The following NRXN1 variants were observed in gnomAD, a reference collection of about 807,000 sequenced individuals.
The protein encoded by NRXN1 is neurexin-1.
In NRXN1, 39 loss-of-function variants were observed where a neutral mutation model predicts 150.9. The observed-to-expected ratio is 0.26, with a 90% CI of 0.20 to 0.34. The LOEUF (loss-of-function observed/expected upper bound fraction) is 0.34. Among genes scored for constraint, NRXN1 ranks in the 10% least tolerant of loss-of-function variants. The probability of loss-of-function intolerance (pLI) is 1.00; values close to 1 mark genes in which losing one functional copy is unlikely to be tolerated. For missense variants in NRXN1, 1,815 were observed against 1,949.9 expected (o/e 0.93, Z 1.30); for synonymous variants, 924 against 757.0 (o/e 1.22, Z -3.62).
chr2:50,023,837 G>A (rs1056594042), intron 21 of NRXN1: 1 of 152,058 alleles, frequency 6.6e-6, no homozygotes, highest in Non-Finnish European at 1.5e-5. Flanking sequence ...GTAAAGCTGT[G>A]CTTTCACGCA....
chr2:50,857,850 C>T (rs1675494529), intron 5 of NRXN1, among the ~76,000 whole-genome samples: 1 of 152,046 alleles, frequency 6.6e-6, no homozygotes, highest in Non-Finnish European at 1.5e-5. Context: ...AAAATTCAGA[C>T]CAAAGCCTAG....
chr2:50,140,632 G>C (rs1250576718), intron 18 of NRXN1, among the ~76,000 whole-genome samples: 2 of 151,570 alleles, frequency 1.3e-5, no homozygotes, highest in South Asian at 4.2e-4. Flanking sequence ...CAGAAATGTA[G>C]ACCACTTTGT....
chr2:50,746,688 C>T (rs1295605923), intron 5 of NRXN1, among the ~76,000 whole-genome samples: 2 of 152,150 alleles, frequency 1.3e-5, no homozygotes, highest in African/African-American at 2.4e-5. Context: ...CCTTTCTTTT[C>T]ATTGGCCACT....
intron 19 of NRXN1, among the ~76,000 whole-genome samples, chr2:50,073,071 C>A (rs990408089): frequency 2.0e-5 from 3 of 152,138 alleles, no homozygotes; most frequent in African/African-American, 7.2e-5. Flanking sequence ...GGAGCCTATA[C>A]CCTTAGGAAG....
intron 5 of NRXN1, among the ~76,000 whole-genome samples, chr2:50,646,247 C>T (rs1038129380): frequency 6.6e-6 from 1 of 151,928 alleles, no homozygotes; most frequent in Non-Finnish European, 1.5e-5. Context: ...CAAAAGGCCG[C>T]TATTCTGGTG....
intron 8 of NRXN1, among the ~76,000 whole-genome samples, chr2:50,555,511 A>AT (rs935116204): frequency 6.6e-6 from 1 of 152,178 alleles, no homozygotes; most frequent in African/African-American, 2.4e-5. Flanking sequence ...TGCATCTCTC[A>AT]TAAAAAAAAG....
At chr2:50,208,240 C>T (rs904336375) in intron 18 of NRXN1, among the ~76,000 whole-genome samples, 2 of 152,028 alleles carry the variant, frequency 1.3e-5, no homozygotes, top group Non-Finnish European at 2.9e-5. Context: ...GTGGGCAGAC[C>T]TCTTATGTAC....
chr2:50,360,969 C>T (rs1558597957), intron 17 of NRXN1, among the ~76,000 whole-genome samples: 2 of 152,278 alleles, frequency 1.3e-5, no homozygotes, highest in East Asian at 3.9e-4. Flanking sequence ...TCACTCAAAA[C>T]CGCACAACTA....
chr2:51,005,481 T>C (rs190403782), intron 2 of NRXN1, among the ~76,000 whole-genome samples: 4 of 152,004 alleles, frequency 2.6e-5, no homozygotes, highest in Non-Finnish European at 5.9e-5. Context: ...AGAAATAAAA[T>C]ATTTAACAGA....
chr2:50,723,097 C>G (rs891876163), intron 5 of NRXN1, among the ~76,000 whole-genome samples: 1 of 152,000 alleles, frequency 6.6e-6, no homozygotes, highest in Non-Finnish European at 1.5e-5. Context: ...CCTTTCCTAC[C>G]AAGAAATGTG....
At chr2:50,845,334 C>T (rs1673478925) in intron 5 of NRXN1, among the ~76,000 whole-genome samples, 1 of 152,130 alleles carries the variant, frequency 6.6e-6, no homozygotes, top group Admixed American at 6.5e-5. Flanking sequence ...ATAATCCAGG[C>T]AATTAGAATA....
Position 49,927,357 on chromosome 2 carries a change from A to G in NRXN1, c.4217-5106T>C, listed in dbSNP as rs72885864. ...AAAGACTTTTGTGATGCATCTGGTGATATGATGGGGGCACATTAAGCCATT... is the reference window on the plus strand; with the variant it reads ...AAAGACTTTTGTGATGCATCTGGTGGTATGATGGGGGCACATTAAGCCATT... On this transcript the variant is annotated intron_variant, in intron 22 of 22. Coordinates refer to ENST00000401669, the MANE Select transcript of NRXN1 (RefSeq NM_001330078.2). Among the ~76,000 whole-genome samples, 884 of 152,346 alleles carry G rather than the reference A, an allele frequency of 5.8e-3. 7 individuals are homozygous for G. The highest frequency in any genetic ancestry group is 0.021 in the African/African-American group (854 of 41,576).
intron 2 of NRXN1, 22 bp from the exon 3 acceptor site, chr2:50,925,977 G>A (rs1200149943): frequency 3.2e-6 from 5 of 1,563,186 alleles, no homozygotes; most frequent in Non-Finnish European, 4.3e-6. Context: ...TGACAAGGAG[G>A]GAGAGAAAAG....
chr2:50,131,278 G>A (rs1309904070), intron 18 of NRXN1, among the ~76,000 whole-genome samples: 1 of 152,144 alleles, frequency 6.6e-6, no homozygotes, highest in Non-Finnish European at 1.5e-5. Flanking sequence ...CATCTTAAAA[G>A]GCTAGTGTTT....
chr2:50,414,047 G>T (rs750319432), intron 17 of NRXN1, among the ~76,000 whole-genome samples: 2 of 106,786 alleles, frequency 1.9e-5, no homozygotes, highest in East Asian at 3.5e-4. Context: ...GTAGTGGGGT[G>T]GGGGGTGGGA....
chr2:50,923,398 G>T, intron 3 of NRXN1: 1 of 302,810 alleles, frequency 3.3e-6, no homozygotes, highest in Non-Finnish European at 7.1e-6. Flanking sequence ...TTTCTTAAAT[G>T]CTGAACTCTA....
At chr2:50,244,946 A>G (rs756865022) in intron 17 of NRXN1, among the ~76,000 whole-genome samples, 4 of 151,924 alleles carry the variant, frequency 2.6e-5, no homozygotes, top group Non-Finnish European at 5.9e-5. Context: ...AGAAAAATCT[A>G]TGTGTGTATA....
At chr2:50,199,537 T>TAC (rs67959182) in intron 18 of NRXN1, among the ~76,000 whole-genome samples, 31,140 of 149,226 alleles carry the variant, frequency 0.21, 3,535 homozygotes, top group East Asian at 0.46. Flanking sequence ...CTCTTTCTTA[T>TAC]ACACACACAC....
At chr2:50,606,527 A>G (rs1677149526) in intron 8 of NRXN1, among the ~76,000 whole-genome samples, 1 of 151,426 alleles carries the variant, frequency 6.6e-6, no homozygotes, top group African/African-American at 2.4e-5. Context: ...GCTGTATAAC[A>G]TTGTGCCTCT....
Sources: allele counts gnomAD v4.1 joint callset (sites outside exome capture counted in the v4.1 genomes callset), GRCh38; gene constraint gnomAD v4.1.1; transcripts MANE v1.5; gene names NCBI Gene and HGNC (gene_info 2026-07-23, HGNC 2026-07-21).